Variants in GABRA1 observed in about 807,000 individuals in gnomAD.
The protein encoded by GABRA1 is gamma-aminobutyric acid receptor subunit alpha-1.
In GABRA1, 9 loss-of-function variants were observed where a neutral mutation model predicts 48.9. The observed-to-expected ratio is 0.18, with a 90% confidence interval of 0.11 to 0.32. The LOEUF (loss-of-function observed/expected upper bound fraction) is 0.32, where lower values mean the gene tolerates loss of function less well. Among genes scored for constraint, GABRA1 ranks in the 10% least tolerant of loss-of-function variants. GABRA1 has a pLI of 1.00. For synonymous variants in GABRA1, 210 were observed against 198.7 expected (o/e 1.06, Z -0.48); for missense variants, 285 against 553.8 (o/e 0.51, Z 4.87).
chr5:161,853,643 G>A (rs1757535988), intron 2 of GABRA1: 1 of 151,856 alleles, frequency 6.6e-6, no homozygotes, highest in East Asian at 1.9e-4. Context: ...CCTAAGAAAT[G>A]TTTTACCTAA....
Position 161,897,726 on chromosome 5 carries a change from ATAACACT to A in GABRA1, c.*309_*315del, listed in dbSNP as rs1347788495. ...GATACAAGAAAAAGTAGAAAAAAAA[ATAACACT>A]TAACTAAAACCCCTAGGTCATTTGT... On this transcript the variant is annotated 3_prime_UTR_variant, in exon 10 of 10. Coordinates refer to ENST00000393943, the MANE Select transcript of GABRA1 (RefSeq NM_001127644.2). 1 of 303,698 alleles carries A rather than the reference ATAACACT, an allele frequency of 3.3e-6. No individual in the cohort carries two copies. Among genetic ancestry groups the A allele is most frequent in the African/African-American group, 2.2e-5 (1 of 45,724 alleles). 18.8% of individuals were successfully genotyped at this position (303,698 alleles called of 1,614,324 possible).
chr5:161,873,385 C>T (rs1365199399), intron 5 of GABRA1, 48 bp downstream of exon 5: 1 of 1,434,100 alleles, frequency 7.0e-7, no homozygotes, highest in Non-Finnish European at 9.8e-7. Context: ...TACTTCATTC[C>T]CTTCCACTTG....
chr5:161,886,382 T>A (rs1009230300), intron 7 of GABRA1, among the ~76,000 whole-genome samples: 2 of 151,816 alleles, frequency 1.3e-5, no homozygotes, highest in African/African-American at 4.8e-5. Context: ...TTTCATGAGC[T>A]ATTGTGAGAT....
At chr5:161,853,093 A>G (rs986253582) in intron 2 of GABRA1, among the ~76,000 whole-genome samples, 7 of 151,852 alleles carry the variant, frequency 4.6e-5, no homozygotes, top group African/African-American at 1.7e-4. Context: ...CAGAACTATG[A>G]TTGAAATATA....
intron 8 of GABRA1, among the ~76,000 whole-genome samples, chr5:161,895,028 GTATA>G (rs35679403): frequency 0.072 from 10,778 of 150,612 alleles, 423 homozygotes; most frequent in South Asian, 0.12. Context: ...ATATATATGT[GTATA>G]TATATATATG....
Position 161,850,712 on chromosome 5 carries a change from T to C in GABRA1, c.-15-84T>C, listed in dbSNP as rs1581174778. The stretch of plus-strand genomic sequence containing the variant: ...TCATTTCCTGACTTCAAAGCATTCA[T>C]CTAAACTGCCTCAGTCAGCCCTGGT... On this transcript the variant is annotated intron_variant, in intron 1 of 9. Transcript: ENST00000393943. 11 of 1,123,112 alleles carry C rather than the reference T, an allele frequency of 9.8e-6. No individual in the cohort carries two copies. The East Asian group carries it at 2.3e-4, about 24-fold the overall frequency. 69.6% of individuals were successfully genotyped at this position (1,123,112 alleles called of 1,614,324 possible). A position where few individuals can be genotyped will look rare whatever the true frequency, so the allele number is the denominator to read the frequency against.
Position 161,897,136 on chromosome 5 carries a change from T to C in GABRA1, c.1085T>C (p.Ile362Thr). 6.2e-7 allele frequency: 1 copy of C among 1,614,050 alleles called. No homozygotes were observed. Among genetic ancestry groups the C allele is most frequent in the African/African-American group, 1.3e-5 (1 of 75,024 alleles). ...CCAAAGAAAGTAAAGGATCCTCTTA[T>C]TAAGAAAAACAACACTTACGCTCCA... is the stretch of plus-strand genomic sequence containing the variant. ...EKPKKVKDPL[I>T]KKNNTYAPTA... The change falls in exon 10 of 10, where the codon ATT becomes ACT. Residue 362 changes from isoleucine to threonine, a missense_variant. By Grantham distance (89) the Ile-to-Thr change is moderately conservative. Around this residue, in one of 6 missense-constraint regions of GABRA1, gnomAD observed 99 missense variants for 94.2 expected, o/e 1.05. Coordinates refer to ENST00000393943, the MANE Select transcript of GABRA1 (RefSeq NM_001127644.2).
chr5:161,848,517 G>GGGGGGGGGGGA (rs1757284628), intron 1 of GABRA1, 95 bp downstream of exon 1: 1 of 79,296 alleles, frequency 1.3e-5, no homozygotes. Flanking sequence ...GGGGGGGGGG[G>GGGGGGGGGGGA]CGGGGGGAGA....
Position 161,875,520 on chromosome 5 carries a change from A to G in GABRA1, c.477-40A>G, listed in dbSNP as rs776285228. 7 of 1,486,006 alleles carry G rather than the reference A, an allele frequency of 4.7e-6. No individual in the cohort carries two copies. The East Asian group carries it at 1.6e-4, about 34-fold the overall frequency. 92.1% of individuals were successfully genotyped at this position (1,486,006 alleles called of 1,614,324 possible). A position where few individuals can be genotyped will look rare whatever the true frequency, so the allele number is the denominator to read the frequency against. The stretch of plus-strand genomic sequence containing the variant: ...ACTTGTACTTATCAAGAAGTATCTA[A>G]TCTATATGGCTCTTGTTTGTATTCT... On this transcript the variant is annotated intron_variant, in intron 5 of 9. Coordinates refer to ENST00000393943, the MANE Select transcript of GABRA1 (RefSeq NM_001127644.2).
At chr5:161,873,462 C>G in intron 5 of GABRA1, 125 bp downstream of exon 5, 2 of 795,774 alleles carry the variant, frequency 2.5e-6, no homozygotes, top group South Asian at 1.5e-5. Flanking sequence ...CCTTAACAAT[C>G]TTAAAAATCT....
intron 3 of GABRA1, among the ~76,000 whole-genome samples, chr5:161,864,230 T>A (rs1023721787): frequency 3.3e-5 from 5 of 152,048 alleles, no homozygotes; most frequent in African/African-American, 1.2e-4. Flanking sequence ...TACTTTAAGT[T>A]TTAGGGTACA....
Position 161,897,509 on chromosome 5 carries a change from C to T in GABRA1, c.*87C>T, listed in dbSNP as rs1447284712. The T allele has an allele frequency of 8.1e-6, 10 of 1,228,976 alleles. No homozygotes were observed. Among genetic ancestry groups the T allele is most frequent in the Non-Finnish European group, 9.5e-6 (8 of 841,772 alleles). The allele number at this position is 1,228,976 out of a possible 1,614,324, so 76.1% of individuals were successfully genotyped here. A position where few individuals can be genotyped will look rare whatever the true frequency, so the allele number is the denominator to read the frequency against. ...GCAGTAATTCCCATCTGCTTTATTG[C>T]CTCTGTCTTAAAGAATTTGAAAGTT... On this transcript the variant is annotated 3_prime_UTR_variant, in exon 10 of 10. Transcript: ENST00000393943.
intron 4 of GABRA1, among the ~76,000 whole-genome samples, chr5:161,866,097 T>G (rs994881047): frequency 2.0e-5 from 3 of 152,100 alleles, no homozygotes; most frequent in African/African-American, 7.2e-5. Flanking sequence ...TATGTTTCAT[T>G]TTAGTTAGCA....
At chr5:161,850,989 T>A in intron 2 of GABRA1, 105 bp downstream of exon 2, 1 of 929,300 alleles carries the variant, frequency 1.1e-6, no homozygotes, top group Non-Finnish European at 1.7e-6. Flanking sequence ...CTAAGGGAAT[T>A]CAGAAAACTT....
chr5:161,851,829 G>A (rs1467154035), intron 2 of GABRA1, among the ~76,000 whole-genome samples: 1 of 152,150 alleles, frequency 6.6e-6, no homozygotes, highest in African/African-American at 2.4e-5. Flanking sequence ...TATCCTTAAT[G>A]AGAGAAGTTA....
At chr5:161,887,992 G>A (rs1027017602) in intron 7 of GABRA1, among the ~76,000 whole-genome samples, 6 of 152,096 alleles carry the variant, frequency 3.9e-5, no homozygotes, top group Non-Finnish European at 7.4e-5. Context: ...TTGAAAGCCA[G>A]GTCTAAACAA....
chr5:161,885,408 AAC>A (rs1754800262), intron 7 of GABRA1, among the ~76,000 whole-genome samples: 1 of 152,140 alleles, frequency 6.6e-6, no homozygotes, highest in African/African-American at 2.4e-5. Context: ...GGTGAGAGAG[AAC>A]ACACACATTG....
intron 7 of GABRA1, among the ~76,000 whole-genome samples, chr5:161,885,198 C>A (rs992979850): frequency 6.6e-6 from 1 of 152,112 alleles, no homozygotes; most frequent in Admixed American, 6.6e-5. Flanking sequence ...TCCACAGTAA[C>A]GCTGAATTAT....
chr5:161,849,030 G>T, intron 1 of GABRA1: 1 of 454,494 alleles, frequency 2.2e-6, no homozygotes, highest in Non-Finnish European at 4.4e-6. Flanking sequence ...TGGATGGCAT[G>T]GGATGGTAAC....
Sources: gnomAD v4.1 joint callset for allele counts (sites outside exome capture counted in the v4.1 genomes callset) on GRCh38, gnomAD v4.1.1 for gene constraint, gnomAD v4.1.1 regional missense constraint, MANE v1.5 for transcripts, NCBI Gene and HGNC (gene_info 2026-07-23, HGNC 2026-07-21) for gene names.